Variants in SMCHD1 observed in about 807,000 individuals in gnomAD.
SMCHD1 encodes structural maintenance of chromosomes flexible hinge domain containing 1.
SMCHD1 carries 78 observed loss-of-function variants against 254.7 expected under a neutral mutation model. The ratio of observed to expected loss-of-function variants is 0.31; its 90% confidence interval spans 0.26 to 0.37. The LOEUF (loss-of-function observed/expected upper bound fraction) is 0.37, where lower values mean the gene tolerates loss of function less well. SMCHD1 is among the 10% of genes least tolerant of loss of function. The pLI is 1.00. For synonymous variants in SMCHD1, 766 were observed against 794.9 expected (o/e 0.96, Z 0.61); for missense variants, 1,840 against 2,408.1 (o/e 0.76, Z 4.94).
At chr18:2,698,506 G>A (rs549205540) in intron 10 of SMCHD1, among the ~76,000 whole-genome samples, 1 of 151,608 alleles carries the variant, frequency 6.6e-6, no homozygotes, top group East Asian at 1.9e-4. Context: ...TTTCTTTTTT[G>A]TATGTAGAGC....
intron 45 of SMCHD1, chr18:2,784,964 G>A (rs1287958389): frequency 3.3e-5 from 12 of 364,480 alleles, no homozygotes; most frequent in Non-Finnish European, 5.8e-5. Context: ...AAAAAAAGAA[G>A]AAATTTCTGT....
chr18:2,780,507 A>G (rs2076140754), intron 44 of SMCHD1, among the ~76,000 whole-genome samples: 1 of 152,200 alleles, frequency 6.6e-6, no homozygotes, highest in Non-Finnish European at 1.5e-5. Flanking sequence ...AAATGTTATG[A>G]TAACATGGAA....
intron 19 of SMCHD1, among the ~76,000 whole-genome samples, chr18:2,720,847 G>A (rs1010737605): frequency 1.3e-5 from 2 of 152,124 alleles, no homozygotes; most frequent in Admixed American, 6.5e-5. Flanking sequence ...GAACTCCTGG[G>A]CTCAAGCTAT....
intron 34 of SMCHD1, among the ~76,000 whole-genome samples, chr18:2,753,500 G>T (rs2075614320): frequency 6.6e-6 from 1 of 152,162 alleles, no homozygotes; most frequent in African/African-American, 2.4e-5. Context: ...GTGTATGTTA[G>T]ATGTTAAATA....
intron 34 of SMCHD1, chr18:2,760,434 A>C (rs911617701): frequency 2.8e-6 from 1 of 357,426 alleles, no homozygotes; most frequent in Non-Finnish European, 5.2e-6. Context: ...CATATCCAGC[A>C]CGTTTATTCT....
rs752958240 is a variant in SMCHD1 at position 2,778,269 on chromosome 18, A to G, written c.5547+30A>G. 9.4e-6 allele frequency: 14 copies of G among 1,493,874 alleles called. 1 individual carries two copies. The highest frequency in any genetic ancestry group is 1.7e-4 in the Middle Eastern group (1 of 5,856). 92.5% of individuals were successfully genotyped at this position (1,493,874 alleles called of 1,614,324 possible). A position where few individuals can be genotyped will look rare whatever the true frequency, so the allele number is the denominator to read the frequency against. On this transcript the variant is annotated intron_variant, in intron 44 of 47. Transcript: ENST00000320876. ...GTATTTGATTTCTTTTTAAATTTGTAGACTTCAGTTTTAATGTGTATCATG... is the reference window on the plus strand; with the variant it reads ...GTATTTGATTTCTTTTTAAATTTGTGGACTTCAGTTTTAATGTGTATCATG...
At chr18:2,738,358 C>T (rs1337214348) in intron 25 of SMCHD1, 39 bp from the exon 26 acceptor site, 4 of 1,512,760 alleles carry the variant, frequency 2.6e-6, no homozygotes, top group Non-Finnish European at 1.8e-6. Flanking sequence ...GAACATTAGA[C>T]GAAGCTTTAT....
chr18:2,749,988 CTTGA>C lies in SMCHD1; in HGVS notation c.3928-49_3928-46del, dbSNP rs1200367031. 18 of 1,428,100 alleles carry C rather than the reference CTTGA, an allele frequency of 1.3e-5. No homozygotes were observed. In the East Asian group the frequency reaches 2.2e-4, roughly 18 times the overall value. 88.5% of individuals were successfully genotyped at this position (1,428,100 alleles called of 1,614,324 possible). A position where few individuals can be genotyped will look rare whatever the true frequency, so the allele number is the denominator to read the frequency against. On this transcript the variant is annotated intron_variant, in intron 30 of 47. Coordinates refer to ENST00000320876, the MANE Select transcript of SMCHD1 (RefSeq NM_015295.3). ...AGAACATTGTAATGGAAGAAAAGAA[CTTGA>C]TTGATCTCTAGAATTTTCTAATTAA...
At chr18:2,710,567 GT>G (rs199538295) in intron 17 of SMCHD1, among the ~76,000 whole-genome samples, 3 of 151,964 alleles carry the variant, frequency 2.0e-5, no homozygotes, top group African/African-American at 7.3e-5. Context: ...CTATACCAGG[GT>G]TTTTTTTATG....
intron 5 of SMCHD1, among the ~76,000 whole-genome samples, chr18:2,679,142 G>A (rs1296551071): frequency 1.4e-5 from 2 of 146,124 alleles, no homozygotes; most frequent in Non-Finnish European, 1.5e-5. Flanking sequence ...CACCGCACCC[G>A]GCCCCTTTCC....
At chr18:2,754,864 G>A (rs889861130) in intron 34 of SMCHD1, among the ~76,000 whole-genome samples, 2 of 151,488 alleles carry the variant, frequency 1.3e-5, no homozygotes, top group Admixed American at 1.3e-4. Context: ...GGCCAGGTGC[G>A]GTGGCTCACA....
At position 2,782,744 on chromosome 18, in the gene SMCHD1, C is replaced by CAAAAAAAAAA. The variant is rs779083565; in HGVS notation, c.5548-1687_5548-1678dup. On this transcript the variant is annotated intron_variant, in intron 44 of 47. Coordinates refer to ENST00000320876, the MANE Select transcript of SMCHD1 (RefSeq NM_015295.3). ...TGGGCAACAGAGCGAGACCACAACT[C>CAAAAAAAAAA]AAAAAAAAAAAAAAAAAAAAAAAAA... Among the ~76,000 whole-genome samples, 38 of 44,972 alleles carry CAAAAAAAAAA rather than the reference C, an allele frequency of 8.4e-4. 1 individual carries two copies. The highest frequency in any genetic ancestry group is 2.1e-3 in the African/African-American group (22 of 10,490). 29.5% of individuals were successfully genotyped at this position (44,972 alleles called of 152,430 possible).
intron 19 of SMCHD1, among the ~76,000 whole-genome samples, chr18:2,720,411 G>A (rs2074899756): frequency 1.3e-5 from 2 of 152,072 alleles, no homozygotes; most frequent in African/African-American, 4.8e-5. Context: ...AATAGTGGGG[G>A]TTTTTCTTAC....
chr18:2,769,899 T>A, intron 38 of SMCHD1, 79 bp downstream of exon 38: 1 of 1,539,610 alleles, frequency 6.5e-7, no homozygotes, highest in Non-Finnish European at 8.8e-7. Flanking sequence ...TCCATTAACT[T>A]GGTGTTTATT....
At chr18:2,757,165 G>A (rs540437902) in intron 34 of SMCHD1, among the ~76,000 whole-genome samples, 1 of 152,070 alleles carries the variant, frequency 6.6e-6, no homozygotes, top group Non-Finnish European at 1.5e-5. Context: ...GCATTCACAA[G>A]TTTTATGTAT....
rs2143815572 is a variant in SMCHD1, at chr18:2,784,599, T to C, written c.5697T>C (p.Cys1899=). ...TTGGAGCTCCAGTTCCAAAACAGTG[T>C]CTGATCTTAGGGGAACAAATAGGTA... ...MVFGAPVPKQ[C]LILGEQIDLL... The change falls in exon 45 of 48, where the codon TGT becomes TGC. Residue 1899 remains cysteine (C), a synonymous_variant. Coordinates refer to ENST00000320876, the MANE Select transcript of SMCHD1 (RefSeq NM_015295.3). 1 of 1,602,322 alleles carries C rather than the reference T, an allele frequency of 6.2e-7. No homozygotes were observed. Among genetic ancestry groups the C allele is most frequent in the Non-Finnish European group, 8.5e-7 (1 of 1,175,946 alleles).
intron 5 of SMCHD1, among the ~76,000 whole-genome samples, chr18:2,675,986 C>T (rs778741019): frequency 8.5e-5 from 13 of 152,172 alleles, no homozygotes; most frequent in Non-Finnish European, 1.5e-4. Flanking sequence ...GTTAGGTACT[C>T]GTACTGTCTT....
intron 34 of SMCHD1, among the ~76,000 whole-genome samples, chr18:2,757,001 GT>G (rs1195259981): frequency 6.6e-6 from 1 of 151,980 alleles, no homozygotes; most frequent in African/African-American, 2.4e-5. Context: ...TATTTTATGT[GT>G]TTTATTTAAT....
At chr18:2,759,884 A>C (rs1409968703) in intron 34 of SMCHD1, among the ~76,000 whole-genome samples, 1 of 152,094 alleles carries the variant, frequency 6.6e-6, no homozygotes, top group Non-Finnish European at 1.5e-5. Flanking sequence ...TTAAATTCTC[A>C]ATATAACTTT....
Sources: gnomAD v4.1 joint callset for allele counts (sites outside exome capture counted in the v4.1 genomes callset) on GRCh38, gnomAD v4.1.1 for gene constraint, MANE v1.5 for transcripts, NCBI Gene and HGNC (gene_info 2026-07-23, HGNC 2026-07-21) for gene names.